LRP8: variants seen among roughly 807,000 people sequenced by gnomAD.
LRP8 encodes LDL receptor related protein 8.
In LRP8, 46 loss-of-function variants were observed where a neutral mutation model predicts 111.6. That is an observed-to-expected ratio of 0.41 (90% CI 0.33 to 0.53). The LOEUF (loss-of-function observed/expected upper bound fraction) is 0.53, where lower values mean the gene tolerates loss of function less well. Ranked by LOEUF, LRP8 falls within the 20% of genes least tolerant of loss-of-function variation. The pLI, the probability that LRP8 is intolerant of heterozygous loss-of-function variation, is 0.20. For missense variants in LRP8, 959 were observed against 1,297.4 expected (o/e 0.74, Z 4.01); for synonymous variants, 464 against 511.2 (o/e 0.91, Z 1.24).
intron 3 of LRP8, among the ~76,000 whole-genome samples, chr1:53,282,490 T>C (rs1647146167): frequency 6.6e-6 from 1 of 152,030 alleles, no homozygotes; most frequent in South Asian, 2.1e-4. Flanking sequence ...GGAGATGGGG[T>C]CCTTCCAGGG....
intron 6 of LRP8, among the ~76,000 whole-genome samples, chr1:53,274,489 T>C (rs1646855028): frequency 6.6e-6 from 1 of 152,228 alleles, no homozygotes; most frequent in Non-Finnish European, 1.5e-5. Flanking sequence ...GTACCTGGGA[T>C]GGACAAGCTC....
rs372260326 is a variant in LRP8, at chr1:53,275,627, G to A, written c.1006+4C>T. ...GATGTGTTCTGTGCCCTGACCACAC[G>A]CACCCTGTAGGCAGCCAGCTTCATC... On this transcript the variant is annotated splice_donor_region_variant and intron_variant, in intron 6 of 18. Coordinates refer to ENST00000306052, the MANE Select transcript of LRP8 (RefSeq NM_004631.5). This position sits in a 1 kb window ranked among gnomAD's most constrained non-coding sequence, Gnocchi z 4.4. 26 of 1,613,684 alleles carry A rather than the reference G, an allele frequency of 1.6e-5. No individual in the cohort carries two copies. The highest frequency in any genetic ancestry group is 3.3e-5 in the Admixed American group (2 of 59,988).
At position 53,327,839 on chromosome 1, in the gene LRP8, T is replaced by TGCAGCAGCAGAAGCAGCAGCA; in HGVS notation, c.73_74insTGCTGCTGCTTCTGCTGCTGC (p.Leu18_Leu24dup). On this transcript the variant is annotated inframe_insertion, in exon 1 of 19. Transcript: ENST00000306052. ...CGCTGCCGCCGCAAGATGCTGGAGC[T>TGCAGCAGCAGAAGCAGCAGCA]GCAGCAGCAGCAGCAGCAGCAGCAG... 1 of 1,486,922 alleles carries TGCAGCAGCAGAAGCAGCAGCA rather than the reference T, an allele frequency of 6.7e-7. No homozygotes were observed. Among genetic ancestry groups the TGCAGCAGCAGAAGCAGCAGCA allele is most frequent in the Admixed American group, 2.1e-5 (1 of 48,556 alleles). The allele number at this position is 1,486,922 out of a possible 1,614,324, so 92.1% of individuals were successfully genotyped here.
At chr1:53,309,231 T>C (rs974320567) in intron 2 of LRP8, among the ~76,000 whole-genome samples, 4 of 152,024 alleles carry the variant, frequency 2.6e-5, no homozygotes, top group Non-Finnish European at 5.9e-5. Flanking sequence ...GCCGAGACCA[T>C]GCCATTGCAC....
intron 2 of LRP8, among the ~76,000 whole-genome samples, chr1:53,315,803 G>A (rs1557865111): frequency 6.6e-6 from 1 of 152,216 alleles, no homozygotes; most frequent in Non-Finnish European, 1.5e-5. Flanking sequence ...CACATGGCAT[G>A]TTGGGGACAA....
intron 13 of LRP8, among the ~76,000 whole-genome samples, chr1:53,258,914 C>G (rs1488910874): frequency 6.6e-6 from 1 of 152,140 alleles, no homozygotes; most frequent in African/African-American, 2.4e-5. Context: ...TTTTCCACTA[C>G]TATCATACTT....
At chr1:53,257,518 G>T (rs869987) in intron 14 of LRP8, 54 bp from the exon 15 acceptor site, 581,194 of 1,402,490 alleles carry the variant, frequency 0.41, 125,755 homozygotes, top group East Asian at 0.76. Flanking sequence ...GTTGCCTAAG[G>T]TATTGCCTCT....
At chr1:53,276,425 TG>T (rs1646919294) in intron 5 of LRP8, among the ~76,000 whole-genome samples, 5 of 67,518 alleles carry the variant, frequency 7.4e-5, no homozygotes, top group Non-Finnish European at 1.4e-4. Flanking sequence ...GTTCGGGGGA[TG>T]GGGGTGGGAA....
At position 53,275,999 on chromosome 1, in the gene LRP8, C is replaced by G. The variant is rs1189902112; in HGVS notation, c.884-246G>C. On this transcript the variant is annotated intron_variant, in intron 5 of 18. Transcript: ENST00000306052. This position sits in a 1 kb window ranked among gnomAD's most constrained non-coding sequence, Gnocchi z 4.4. The stretch of plus-strand genomic sequence containing the variant: ...CTGGCTGGCAGATTCAGGACTAAAC[C>G]CAGATCTCCTGTTTCCCTGTCCCTG... Among the ~76,000 whole-genome samples the G allele has an allele frequency of 6.6e-6, 1 of 152,146 alleles. No individual in the cohort carries two copies. Among genetic ancestry groups the G allele is most frequent in the South Asian group, 2.1e-4 (1 of 4,830 alleles).
Position 53,262,657 on chromosome 1 carries a change from T to A in LRP8, c.1656-93A>T. 1 of 966,784 alleles carries A rather than the reference T, an allele frequency of 1.0e-6. No homozygotes were observed. 59.9% of individuals were successfully genotyped at this position (966,784 alleles called of 1,614,324 possible). On this transcript the variant is annotated intron_variant, in intron 10 of 18. Coordinates refer to ENST00000306052, the MANE Select transcript of LRP8 (RefSeq NM_004631.5). This position sits in a 1 kb window ranked among gnomAD's most constrained non-coding sequence, Gnocchi z 4.8. ...AGCTCAATAACCCATTGACTAGTTGTGGTTTATGTTTAGTAGGGACTGAGA... is the reference window on the plus strand; with the variant it reads ...AGCTCAATAACCCATTGACTAGTTGAGGTTTATGTTTAGTAGGGACTGAGA...
Position 53,328,021 on chromosome 1 carries a change from C to A in LRP8, c.-109G>T. On this transcript the variant is annotated 5_prime_UTR_variant, in exon 1 of 19. Coordinates refer to ENST00000306052, the MANE Select transcript of LRP8 (RefSeq NM_004631.5). Reference sequence around the variant, plus strand: ...GCGCCGGGGTTGCCGCTGCCCCCGCCGCCGCCGCCGCCGCCGCTGCCGCCC... The same window carrying A: ...GCGCCGGGGTTGCCGCTGCCCCCGCAGCCGCCGCCGCCGCCGCTGCCGCCC... 1 of 492,364 alleles carries A rather than the reference C, an allele frequency of 2.0e-6. No homozygotes were observed. The highest frequency in any genetic ancestry group is 7.9e-5 in the South Asian group (1 of 12,634). The allele number at this position is 492,364 out of a possible 1,614,324, so 30.5% of individuals were successfully genotyped here. A position where few individuals can be genotyped will look rare whatever the true frequency, so the allele number is the denominator to read the frequency against.
In LRP8 at chr1:53,300,958, C is replaced by T. The variant is rs78740396; in HGVS notation, c.245-11269G>A. Among the ~76,000 whole-genome samples, 1,068 of 152,284 alleles carry T rather than the reference C, an allele frequency of 7.0e-3. 10 individuals are homozygous for T. Among genetic ancestry groups the T allele is most frequent in the African/African-American group, 0.025 (1,021 of 41,550 alleles). On this transcript the variant is annotated intron_variant, in intron 2 of 18. Transcript: ENST00000306052. ...GAGTCAGGTTTTCATGTGTACCATT[C>T]AAAGGCCTGCCTGGGTTACCTCACA...
chr1:53,282,386 G>A (rs1647142629), intron 3 of LRP8, among the ~76,000 whole-genome samples: 1 of 152,234 alleles, frequency 6.6e-6, no homozygotes, highest in African/African-American at 2.4e-5. Flanking sequence ...ATAACTGTCA[G>A]GTTGAGCTCT....
In LRP8 at chr1:53,244,751, T is replaced by C. The variant is rs575424969; in HGVS notation, c.*2267A>G. The C allele has an allele frequency of 2.4e-4, 36 of 152,354 alleles. No individual in the cohort carries two copies. The East Asian group carries it at 6.6e-3, about 28-fold the overall frequency. 9.4% of individuals were successfully genotyped at this position (152,354 alleles called of 1,614,324 possible). Reference sequence around the variant, plus strand: ...AACTATGCCTTAGCCACTGTTATCATTTAATTCCTTGGAAAATTCAGTTTC... The same window carrying C: ...AACTATGCCTTAGCCACTGTTATCACTTAATTCCTTGGAAAATTCAGTTTC... On this transcript the variant is annotated 3_prime_UTR_variant, in exon 19 of 19. Coordinates refer to ENST00000306052, the MANE Select transcript of LRP8 (RefSeq NM_004631.5).
At chr1:53,280,404 G>A (rs1336715797) in intron 4 of LRP8, among the ~76,000 whole-genome samples, 183 bp downstream of exon 4, 1 of 152,180 alleles carries the variant, frequency 6.6e-6, no homozygotes, top group African/African-American at 2.4e-5. Flanking sequence ...TGAGGTGCTT[G>A]TGAAGATGAA....
At position 53,289,550 on chromosome 1, in the gene LRP8, T is replaced by A; in HGVS notation, c.367+17A>T. The A allele has an allele frequency of 1.3e-6, 2 of 1,587,352 alleles. No individual in the cohort carries two copies. Among genetic ancestry groups the A allele is most frequent in the Non-Finnish European group, 1.7e-6 (2 of 1,163,980 alleles). ...AACTGAGGCCCACCCCCACCCAGACTGAGGGGCAGGACTCACTGCAAGTGG... is the reference window on the plus strand; with the variant it reads ...AACTGAGGCCCACCCCCACCCAGACAGAGGGGCAGGACTCACTGCAAGTGG... On this transcript the variant is annotated intron_variant, in intron 3 of 18. Coordinates refer to ENST00000306052, the MANE Select transcript of LRP8 (RefSeq NM_004631.5).
At chr1:53,277,166 C>T in intron 4 of LRP8, 88 bp from the exon 5 acceptor site, 2 of 1,347,244 alleles carry the variant, frequency 1.5e-6, no homozygotes, top group East Asian at 3.4e-5. Context: ...GGCTCCGACC[C>T]TCACCCGGGG....
chr1:53,283,190 G>T (rs1437251805), intron 3 of LRP8, among the ~76,000 whole-genome samples: 1 of 152,068 alleles, frequency 6.6e-6, no homozygotes. Context: ...AGAGGTCAGG[G>T]GGAGCCTCCT....
Position 53,280,607 on chromosome 1 carries a change from T to A in LRP8, c.476A>T (p.Asp159Val). Residue 159 changes from aspartate to valine, a missense_variant, in exon 4 of 19, where the codon GAT (aspartate) becomes GTT (valine). Coordinates refer to ENST00000306052, the MANE Select transcript of LRP8 (RefSeq NM_004631.5). ...CTCACAGGTAGCACAGCCGGCCTCA[T>A]CCGCTCCACCCTCGCAGTCCTTCTC... ...DGEKDCEGGA[D>V]EAGCATLCAP... 6.2e-7 allele frequency: 1 copy of A among 1,612,974 alleles called. No homozygotes were observed. Among genetic ancestry groups the A allele is most frequent in the Non-Finnish European group, 8.5e-7 (1 of 1,180,002 alleles).
Sources: allele counts gnomAD v4.1 joint callset (sites outside exome capture counted in the v4.1 genomes callset), GRCh38; gene constraint gnomAD v4.1.1; non-coding constraint Gnocchi (gnomAD v3.1); transcripts MANE v1.5; gene names NCBI Gene and HGNC (gene_info 2026-07-23, HGNC 2026-07-21).